MTUS2: variants seen among roughly 807,000 people sequenced by gnomAD.
MTUS2 encodes microtubule associated scaffold protein 2, also known as microtubule-associated tumor suppressor candidate 2.
Under a neutral mutation model 114.1 loss-of-function variants are expected in MTUS2, and 40 were observed. The ratio of observed to expected loss-of-function variants is 0.35; its 90% confidence interval spans 0.27 to 0.46. MTUS2 has a LOEUF of 0.46. MTUS2 is among the 20% of genes least tolerant of loss of function. MTUS2 has a pLI of 1.00. For missense variants in MTUS2, 1,679 were observed against 1,705.4 expected (o/e 0.98, Z 0.27); for synonymous variants, 688 against 672.0 (o/e 1.02, Z -0.37).
chr13:29,098,691 A>G (rs982879120), intron 4 of MTUS2, among the ~76,000 whole-genome samples: 1 of 152,204 alleles, frequency 6.6e-6, no homozygotes, highest in Non-Finnish European at 1.5e-5. Context: ...GCAGAATAAG[A>G]TAAATTTCTT....
At chr13:28,965,607 C>G (rs112450398) in intron 2 of MTUS2, among the ~76,000 whole-genome samples, 92 of 152,150 alleles carry the variant, frequency 6.0e-4, no homozygotes, top group African/African-American at 2.2e-3. Context: ...CACATATATA[C>G]ATATATGTGT....
intron 8 of MTUS2, among the ~76,000 whole-genome samples, chr13:29,430,941 A>G (rs1876950348): frequency 6.6e-6 from 1 of 152,252 alleles, no homozygotes; most frequent in African/African-American, 2.4e-5. Context: ...AATTGTTGAT[A>G]GAGTTGTTTC....
At chr13:29,177,394 T>A (rs1360856) in intron 5 of MTUS2, among the ~76,000 whole-genome samples, 123,325 of 150,366 alleles carry the variant, frequency 0.82, 50,989 homozygotes, top group East Asian at 0.89. Flanking sequence ...TAATAATAAT[T>A]ATTTAAAGAA....
At position 29,157,215 on chromosome 13, in the gene MTUS2, T is replaced by C. The variant is rs556428687; in HGVS notation, c.2644+56245T>C. Among the ~76,000 whole-genome samples, 4 of 152,234 alleles carry C rather than the reference T, an allele frequency of 2.6e-5. No individual in the cohort carries two copies. The East Asian group carries it at 7.8e-4, about 30-fold the overall frequency. ...ACATATCTTTTGTGCACCTGTCTAA[T>C]GTTTCTCTAGGGCTAGAAGTGGAAT... is the stretch of plus-strand genomic sequence containing the variant. On this transcript the variant is annotated intron_variant, in intron 5 of 15. Transcript: ENST00000612955.
chr13:28,880,059 G>A (rs534826277), intron 2 of MTUS2, among the ~76,000 whole-genome samples: 2 of 152,270 alleles, frequency 1.3e-5, no homozygotes, highest in Admixed American at 1.3e-4. Context: ...ATTTCATTAC[G>A]TATCTTGTCA....
chr13:29,199,669 T>G (rs893389188), intron 5 of MTUS2, among the ~76,000 whole-genome samples: 1 of 152,170 alleles, frequency 6.6e-6, no homozygotes, highest in African/African-American at 2.4e-5. Flanking sequence ...GTTGTGTCTC[T>G]GCCAGGTTTT....
chr13:29,161,541 T>G lies in MTUS2; in HGVS notation c.2644+60571T>G, dbSNP rs959056423. On this transcript the variant is annotated intron_variant, in intron 5 of 15. Coordinates refer to ENST00000612955, the MANE Select transcript of MTUS2 (RefSeq NM_001033602.4). ...CAGTTTGAAATTTTCGACTCTTTTC[T>G]TGCAAGATAAAATTAATAACTTGCT... Among the ~76,000 whole-genome samples, 6 of 152,296 alleles carry G rather than the reference T, an allele frequency of 3.9e-5. No individual in the cohort carries two copies. In the East Asian group the frequency reaches 1.2e-3, roughly 29 times the overall value.
chr13:29,158,001 C>G (rs1460603236), intron 5 of MTUS2, among the ~76,000 whole-genome samples: 1 of 152,136 alleles, frequency 6.6e-6, no homozygotes, highest in African/African-American at 2.4e-5. Context: ...GGTGAAACAT[C>G]TCTGACTTTT....
At chr13:29,346,040 C>T (rs1868644474) in intron 7 of MTUS2, among the ~76,000 whole-genome samples, 1 of 152,196 alleles carries the variant, frequency 6.6e-6, no homozygotes, top group Admixed American at 6.5e-5. Context: ...GAGTAACGAG[C>T]ACCTCCTCCA....
chr13:29,418,104 A>G (rs898374663), intron 8 of MTUS2, among the ~76,000 whole-genome samples: 1 of 152,158 alleles, frequency 6.6e-6, no homozygotes, highest in African/African-American at 2.4e-5. Flanking sequence ...TCTAACTGGT[A>G]AACCACAGCA....
At chr13:29,419,383 G>T (rs1875914350) in intron 8 of MTUS2, among the ~76,000 whole-genome samples, 2 of 152,190 alleles carry the variant, frequency 1.3e-5, no homozygotes, top group Non-Finnish European at 2.9e-5. Context: ...AAGACTGGAG[G>T]TGGAGAGGTT....
intron 5 of MTUS2, among the ~76,000 whole-genome samples, chr13:29,137,522 T>C (rs1006287178): frequency 6.6e-6 from 1 of 152,178 alleles, no homozygotes; most frequent in African/African-American, 2.4e-5. Flanking sequence ...CTTAGAGCTC[T>C]GTTTACTTTT....
At chr13:28,831,930 G>GT (rs1874713044) in intron 1 of MTUS2, among the ~76,000 whole-genome samples, 1 of 148,170 alleles carries the variant, frequency 6.7e-6, no homozygotes, top group Non-Finnish European at 1.5e-5. Flanking sequence ...CTATTTTTTT[G>GT]TATTTTTTTT....
intron 2 of MTUS2, among the ~76,000 whole-genome samples, chr13:29,007,506 C>A (rs1885652165): frequency 6.6e-6 from 1 of 152,170 alleles, no homozygotes; most frequent in East Asian, 1.9e-4. Flanking sequence ...TTCAGACTTC[C>A]AAAATTTGGG....
intron 5 of MTUS2, among the ~76,000 whole-genome samples, chr13:29,257,824 T>G (rs1459014121): frequency 6.6e-6 from 1 of 152,236 alleles, no homozygotes; most frequent in African/African-American, 2.4e-5. Flanking sequence ...GAAATTTTTC[T>G]GAGACCACCT....
At chr13:29,358,564 A>G (rs1266848732) in intron 7 of MTUS2, among the ~76,000 whole-genome samples, 1 of 152,184 alleles carries the variant, frequency 6.6e-6, no homozygotes, top group African/African-American at 2.4e-5. Context: ...ACGTGTGCAA[A>G]GGTCATTCTG....
At position 29,089,281 on chromosome 13, in the gene MTUS2, C is replaced by T. The variant is rs9508264; in HGVS notation, c.2447-11492C>T. ...TCTTTAAGGATGCTAAATATAGGGC[C>T]CCGATCTCTTTTGGCTTGTAGGGTT... On this transcript the variant is annotated intron_variant, in intron 4 of 15. Coordinates refer to ENST00000612955, the MANE Select transcript of MTUS2 (RefSeq NM_001033602.4). Among the ~76,000 whole-genome samples the T allele has an allele frequency of 4.3e-3, 651 of 152,232 alleles. 5 individuals carry two copies. The highest frequency in any genetic ancestry group is 6.7e-3 in the Non-Finnish European group (457 of 68,020).
At chr13:29,221,958 G>C (rs546572554) in intron 5 of MTUS2, among the ~76,000 whole-genome samples, 1 of 152,152 alleles carries the variant, frequency 6.6e-6, no homozygotes, top group African/African-American at 2.4e-5. Context: ...TCTTTTTAGA[G>C]ATAGAGTCTC....
At chr13:29,082,907 A>G (rs796107999) in intron 4 of MTUS2, among the ~76,000 whole-genome samples, 7 of 152,256 alleles carry the variant, frequency 4.6e-5, no homozygotes, top group African/African-American at 1.4e-4. Flanking sequence ...TAAAGCTTTT[A>G]TAGTGAGGAG....
Sources: gnomAD v4.1 joint callset for allele counts (sites outside exome capture counted in the v4.1 genomes callset) on GRCh38, gnomAD v4.1.1 for gene constraint, MANE v1.5 for transcripts, NCBI Gene and HGNC (gene_info 2026-07-23, HGNC 2026-07-21) for gene names.